CCDC149: variants seen among roughly 807,000 people sequenced by gnomAD.
CCDC149 encodes the protein coiled-coil domain containing 149, also known as coiled-coil domain-containing protein 149.
CCDC149 carries 45 observed loss-of-function variants against 59.9 expected under a neutral mutation model. The observed-to-expected ratio is 0.75, with a 90% CI of 0.59 to 0.96. The LOEUF is 0.96. Ranked by LOEUF, CCDC149 falls within the 40% of genes least tolerant of loss-of-function variation. The pLI is 0.00. For synonymous variants in CCDC149, 245 were observed against 260.6 expected (o/e 0.94, Z 0.58); for missense variants, 584 against 664.7 (o/e 0.88, Z 1.33).
chr4:24,870,027 G>A (rs1170949694), intron 3 of CCDC149, among the ~76,000 whole-genome samples: 1 of 152,192 alleles, frequency 6.6e-6, no homozygotes, highest in African/African-American at 2.4e-5. Context: ...CTCTTGAGGG[G>A]AACCAGACAC....
chr4:24,809,017 T>G (rs1032437589), intron 12 of CCDC149, among the ~76,000 whole-genome samples, 198 bp from the exon 13 acceptor site: 1 of 152,186 alleles, frequency 6.6e-6, no homozygotes, highest in African/African-American at 2.4e-5. Flanking sequence ...TGCATTCTAG[T>G]GATTCCTGCA....
chr4:24,979,723 A>C (rs556875552), intron 1 of CCDC149, among the ~76,000 whole-genome samples: 1 of 152,180 alleles, frequency 6.6e-6, no homozygotes, highest in Non-Finnish European at 1.5e-5. Context: ...GAAAAGGAGG[A>C]GTTGCATGGG....
chr4:24,860,791 T>C (rs1718328267), intron 3 of CCDC149, among the ~76,000 whole-genome samples: 1 of 151,896 alleles, frequency 6.6e-6, no homozygotes, highest in Admixed American at 6.6e-5. Flanking sequence ...GATAAGAACA[T>C]GAAGAGACAA....
rs115924608 is a variant in CCDC149 at position 24,928,585 on chromosome 4, A to G, written c.-64-33467T>C. 3.4e-3 allele frequency among the ~76,000 whole-genome samples: 525 copies of G among 152,300 alleles called. 2 individuals are homozygous for G. The highest frequency in any genetic ancestry group is 0.012 in the African/African-American group (506 of 41,566). ...ATCCAAGAATCCCCTCTCAGCTCCT[A>G]CTACTCTTGTTCTTGCTTTCTTTGC... On this transcript the variant is annotated intron_variant, in intron 1 of 12. Transcript: ENST00000389609.
intron 1 of CCDC149, among the ~76,000 whole-genome samples, chr4:24,907,517 G>A (rs935775752): frequency 6.6e-6 from 1 of 152,154 alleles, no homozygotes; most frequent in Admixed American, 6.5e-5. Flanking sequence ...TTTAAATGGA[G>A]CATCCCAGGG....
chr4:24,923,796 G>T (rs932798050), intron 1 of CCDC149, among the ~76,000 whole-genome samples: 5 of 152,198 alleles, frequency 3.3e-5, no homozygotes, highest in Admixed American at 2.6e-4. Flanking sequence ...TTAAAGCTAA[G>T]CTTCAGTAAC....
intron 1 of CCDC149, among the ~76,000 whole-genome samples, chr4:24,938,712 CAACAGGCTTAACAA>C: frequency 6.6e-6 from 1 of 152,354 alleles, no homozygotes; most frequent in East Asian, 1.9e-4. Flanking sequence ...TACGCTCTTC[CAACAGGCTTAACAA>C]ATGGCACACC....
upstream of CCDC149, among the ~76,000 whole-genome samples, chr4:24,915,276 G>C (rs1722093481): frequency 2.8e-5 from 1 of 36,080 alleles, no homozygotes; most frequent in South Asian, 8.4e-4. Flanking sequence ...TTTTCATCCT[G>C]ACCTGTGGAT....
intron 9 of CCDC149, among the ~76,000 whole-genome samples, chr4:24,825,367 G>A (rs76938746): frequency 7.2e-5 from 11 of 152,294 alleles, no homozygotes; most frequent in South Asian, 2.1e-4. Flanking sequence ...CAACTGATGC[G>A]TCAGCTCTTG....
chr4:24,864,607 C>T (rs745414997), intron 3 of CCDC149, among the ~76,000 whole-genome samples: 25 of 152,310 alleles, frequency 1.6e-4, no homozygotes, highest in African/African-American at 2.4e-4. Flanking sequence ...AAAAAAACTC[C>T]GGTCTCCCGT....
intron 3 of CCDC149, 100 bp from the exon 4 acceptor site, chr4:24,853,279 G>A: frequency 1.2e-6 from 1 of 856,312 alleles, no homozygotes; most frequent in Non-Finnish European, 2.0e-6. Flanking sequence ...AACCCCAGTT[G>A]AACCACACAA....
At chr4:24,863,020 C>T (rs922955411) in intron 3 of CCDC149, among the ~76,000 whole-genome samples, 1 of 152,156 alleles carries the variant, frequency 6.6e-6, no homozygotes, top group Non-Finnish European at 1.5e-5. Context: ...AGGCTGGGGG[C>T]AATGGCTCAG....
chr4:24,810,614 A>G (rs760729262), intron 12 of CCDC149, among the ~76,000 whole-genome samples: 20 of 152,194 alleles, frequency 1.3e-4, no homozygotes, highest in Non-Finnish European at 2.8e-4. Context: ...AGATTTACCC[A>G]TGTTTATGAG....
At chr4:24,968,627 T>C (rs1413777587) in intron 1 of CCDC149, among the ~76,000 whole-genome samples, 1 of 152,210 alleles carries the variant, frequency 6.6e-6, no homozygotes, top group East Asian at 1.9e-4. Context: ...GGTACAAAGA[T>C]GGGTCTAGCC....
chr4:24,914,489 T>A (rs1293880776), upstream of CCDC149, among the ~76,000 whole-genome samples: 3 of 151,886 alleles, frequency 2.0e-5, no homozygotes, highest in Non-Finnish European at 4.4e-5. Flanking sequence ...AAGCTCCGAA[T>A]AGCTTGCTGG....
chr4:24,896,109 C>T (rs529249248), intron 1 of CCDC149, among the ~76,000 whole-genome samples: 4 of 152,296 alleles, frequency 2.6e-5, no homozygotes, highest in Admixed American at 2.0e-4. Flanking sequence ...GAAGTTAAAA[C>T]CGAGCTCCTC....
At chr4:24,882,583 T>G (rs185388859) in intron 1 of CCDC149, among the ~76,000 whole-genome samples, 1 of 152,214 alleles carries the variant, frequency 6.6e-6, no homozygotes, top group Non-Finnish European at 1.5e-5. Flanking sequence ...AATGTGTTCC[T>G]ATCTCGTCAG....
At chr4:24,881,181 C>T (rs1264940345) in intron 1 of CCDC149, among the ~76,000 whole-genome samples, 4 of 152,208 alleles carry the variant, frequency 2.6e-5, no homozygotes, top group African/African-American at 9.7e-5. Flanking sequence ...AGCAATTTAT[C>T]ATAGAGTGAG....
intron 3 of CCDC149, among the ~76,000 whole-genome samples, chr4:24,871,991 CT>C (rs1719073503): frequency 6.6e-6 from 1 of 152,126 alleles, no homozygotes; most frequent in South Asian, 2.1e-4. Flanking sequence ...CGGAGAAGAA[CT>C]TGATGAAATG....
Sources: gnomAD v4.1 joint callset for allele counts (sites outside exome capture counted in the v4.1 genomes callset) on GRCh38, gnomAD v4.1.1 for gene constraint, MANE v1.5 for transcripts, NCBI Gene and HGNC (gene_info 2026-07-23, HGNC 2026-07-21) for gene names.